The following NDUFA5 variants were observed in gnomAD, a reference collection of about 807,000 sequenced individuals.
NDUFA5 encodes NADH dehydrogenase [ubiquinone] 1 alpha subcomplex subunit 5.
A neutral mutation model predicts 19.8 loss-of-function variants in NDUFA5; 11 were observed. The ratio of observed to expected loss-of-function variants is 0.56; its 90% CI spans 0.35 to 0.92. NDUFA5 has a LOEUF of 0.92. Among genes scored for constraint, NDUFA5 ranks in the 40% least tolerant of loss-of-function variants. The pLI, the probability that NDUFA5 is intolerant of heterozygous loss-of-function variation, is 0.01. For synonymous variants in NDUFA5, 47 were observed against 46.8 expected (o/e 1.00, Z -0.01); for missense variants, 109 against 134.2 (o/e 0.81, Z 0.93).
the NDUFA5 span, among the ~76,000 whole-genome samples, chr7:123,576,784 A>G: frequency 6.6e-6 from 1 of 152,208 alleles, no homozygotes; most frequent in South Asian, 2.1e-4. Context: ...TGGCATGTCT[A>G]AGATCTGCTG....
chr7:123,583,504 A>T, the NDUFA5 span, among the ~76,000 whole-genome samples: 1 of 151,990 alleles, frequency 6.6e-6, no homozygotes, highest in Non-Finnish European at 1.5e-5. Flanking sequence ...CAATAAAATG[A>T]GTTTTAAATT....
At chr7:123,575,372 CT>C in the NDUFA5 span, among the ~76,000 whole-genome samples, 1 of 152,020 alleles carries the variant, frequency 6.6e-6, no homozygotes. Flanking sequence ...GTTCATACCT[CT>C]ATTATTTTGG....
In NDUFA5 at chr7:123,538,379, C is replaced by T. The variant is rs755797464; in HGVS notation, c.*3740G>A. 8 of 152,216 alleles carry T rather than the reference C, an allele frequency of 5.3e-5. No individual in the cohort carries two copies. Among genetic ancestry groups the T allele is most frequent in the Non-Finnish European group, 1.2e-4 (8 of 68,038 alleles). 9.4% of individuals were successfully genotyped at this position (152,216 alleles called of 1,614,324 possible). On this transcript the variant is annotated 3_prime_UTR_variant, in exon 5 of 5. Transcript: ENST00000355749. ...TCTCTCAAATGAATTCTTCCTGTCC[C>T]CATCAATCATTCAAACCCCTTATCA...
At chr7:123,558,784 T>C (rs1798645872), upstream of NDUFA5, among the ~76,000 whole-genome samples, 1 of 152,180 alleles carries the variant, frequency 6.6e-6, no homozygotes, top group South Asian at 2.1e-4. Context: ...GAATTTTACT[T>C]TTTAAGGAAT....
intron 3 of NDUFA5, among the ~76,000 whole-genome samples, chr7:123,548,305 A>T (rs1217074118): frequency 6.6e-6 from 1 of 152,154 alleles, no homozygotes; most frequent in African/African-American, 2.4e-5. Flanking sequence ...TTTCTAAGGA[A>T]CCTTATGTTC....
the NDUFA5 span, among the ~76,000 whole-genome samples, chr7:123,567,280 T>C: frequency 1.3e-5 from 2 of 152,154 alleles, no homozygotes; most frequent in African/African-American, 2.4e-5. Flanking sequence ...GGCCCTGTGT[T>C]CTCAGGTGGG....
At chr7:123,570,709 G>C in the NDUFA5 span, among the ~76,000 whole-genome samples, 2 of 140,920 alleles carry the variant, frequency 1.4e-5, no homozygotes, top group East Asian at 4.2e-4. Context: ...ACCACTGCAA[G>C]GGAGCTATCA....
At chr7:123,543,032 G>T (rs902334580) in intron 4 of NDUFA5, among the ~76,000 whole-genome samples, 1 of 151,940 alleles carries the variant, frequency 6.6e-6, no homozygotes, top group Non-Finnish European at 1.5e-5. Flanking sequence ...TATATTCAAG[G>T]TAATTATTAT....
rs1458088365 is a variant in NDUFA5 at position 123,537,453 on chromosome 7, C to A, written c.*4666G>T. ...TTGTTAAGAGAATGGAAATATAGGT[C>A]TATTGTCCCTTTTCTGAAACCTTTT... On this transcript the variant is annotated 3_prime_UTR_variant, in exon 5 of 5. Coordinates refer to ENST00000355749, the MANE Select transcript of NDUFA5 (RefSeq NM_005000.5). 6.6e-6 allele frequency: 1 copy of A among 152,036 alleles called. No homozygotes were observed. Among genetic ancestry groups the A allele is most frequent in the Non-Finnish European group, 1.5e-5 (1 of 68,014 alleles). The allele number at this position is 152,036 out of a possible 1,614,324, so 9.4% of individuals were successfully genotyped here.
At chr7:123,546,671 A>T in intron 3 of NDUFA5, 1 of 1,286,526 alleles carries the variant, frequency 7.8e-7, no homozygotes. Flanking sequence ...TTGCTTTTCA[A>T]CACAAGACGT....
chr7:123,575,716 CTTAA>C, the NDUFA5 span, among the ~76,000 whole-genome samples: 3 of 151,430 alleles, frequency 2.0e-5, no homozygotes, highest in Non-Finnish European at 4.4e-5. Flanking sequence ...ATTTTCTTTA[CTTAA>C]TTATCTTGTA....
chr7:123,551,542 C>T, intron 2 of NDUFA5: 2 of 974,266 alleles, frequency 2.1e-6, no homozygotes, highest in Non-Finnish European at 2.4e-6. Flanking sequence ...CGAAGCACTG[C>T]AAATTTTTTT....
chr7:123,557,539 C>T, intron 1 of NDUFA5, 91 bp from the exon 2 acceptor site: 1 of 1,611,240 alleles, frequency 6.2e-7, no homozygotes, highest in Non-Finnish European at 8.5e-7. Context: ...AATCCCCCGG[C>T]TAAAACTGGT....
At chr7:123,550,852 T>TA (rs1311560761) in intron 2 of NDUFA5, among the ~76,000 whole-genome samples, 3 of 152,242 alleles carry the variant, frequency 2.0e-5, no homozygotes, top group Non-Finnish European at 4.4e-5. Context: ...AAAGGTATGA[T>TA]AACAAGTAGA....
chr7:123,584,970 T>A, the NDUFA5 span: 1 of 151,866 alleles, frequency 6.6e-6, no homozygotes, highest in South Asian at 2.1e-4. Flanking sequence ...CAGTCACAAT[T>A]CCATTTTGAC....
chr7:123,584,472 G>A, the NDUFA5 span, among the ~76,000 whole-genome samples: 1 of 152,036 alleles, frequency 6.6e-6, no homozygotes, highest in South Asian at 2.1e-4. Flanking sequence ...CTCTATGGAA[G>A]TCACACTTAA....
At chr7:123,564,084 T>C in the NDUFA5 span, among the ~76,000 whole-genome samples, 1 of 152,190 alleles carries the variant, frequency 6.6e-6, no homozygotes, top group Non-Finnish European at 1.5e-5. Flanking sequence ...CTGCAACCCA[T>C]ATAGCCACCA....
the NDUFA5 span, among the ~76,000 whole-genome samples, chr7:123,590,230 C>A: frequency 0.026 from 3,901 of 149,788 alleles, 155 homozygotes; most frequent in African/African-American, 0.09. Context: ...CACCCTTTGT[C>A]AGATGGATAG....
chr7:123,598,287 A>G, the NDUFA5 span, among the ~76,000 whole-genome samples: 10 of 152,280 alleles, frequency 6.6e-5, no homozygotes, highest in African/African-American at 2.4e-4. Flanking sequence ...TTATTTTGAT[A>G]ACAATGATAT....
Sources: gnomAD v4.1 joint callset for allele counts (sites outside exome capture counted in the v4.1 genomes callset) on GRCh38, gnomAD v4.1.1 for gene constraint, MANE v1.5 for transcripts, NCBI Gene and HGNC (gene_info 2026-07-23, HGNC 2026-07-21) for gene names.